CCSER1: variants seen among roughly 807,000 people sequenced by gnomAD.
CCSER1 encodes coiled-coil serine rich protein 1.
A neutral mutation model predicts 82.0 loss-of-function variants in CCSER1; 41 were observed. That is an observed-to-expected ratio of 0.50 (90% CI 0.39 to 0.65). CCSER1 has a LOEUF of 0.65. Ranked by LOEUF, CCSER1 falls within the 30% of genes least tolerant of loss-of-function variation. CCSER1 has a pLI of 0.00. For synonymous variants in CCSER1, 414 were observed against 383.9 expected (o/e 1.08, Z -0.92); for missense variants, 1,119 against 1,064.2 (o/e 1.05, Z -0.72).
At chr4:90,890,809 A>G (rs1722850827) in intron 8 of CCSER1, among the ~76,000 whole-genome samples, 1 of 152,138 alleles carries the variant, frequency 6.6e-6, no homozygotes, top group Admixed American at 6.6e-5. Context: ...GAGGATTCCA[A>G]GCAATAATAT....
chr4:91,192,718 T>C (rs970133712), intron 10 of CCSER1, among the ~76,000 whole-genome samples: 11 of 152,164 alleles, frequency 7.2e-5, no homozygotes, highest in Non-Finnish European at 1.5e-4. Context: ...ATTTATTTTC[T>C]TTCTAAAGCA....
At chr4:90,403,442 T>C (rs1286311394) in intron 4 of CCSER1, among the ~76,000 whole-genome samples, 1 of 130,094 alleles carries the variant, frequency 7.7e-6, no homozygotes, top group Non-Finnish European at 1.5e-5. Context: ...GAGCTTGCAG[T>C]GAGCCAAGAT....
chr4:91,175,390 A>G (rs1733225638), intron 10 of CCSER1, among the ~76,000 whole-genome samples: 1 of 152,206 alleles, frequency 6.6e-6, no homozygotes, highest in Non-Finnish European at 1.5e-5. Flanking sequence ...TCCTTGAGGA[A>G]TCGCCACACT....
chr4:91,149,188 A>G (rs536100072), intron 10 of CCSER1, among the ~76,000 whole-genome samples: 24 of 152,046 alleles, frequency 1.6e-4, no homozygotes, highest in African/African-American at 5.1e-4. Flanking sequence ...CTGGTGTGAG[A>G]TGGTGTCTCA....
chr4:90,316,818 G>A (rs1211632143), intron 3 of CCSER1, among the ~76,000 whole-genome samples: 1 of 152,152 alleles, frequency 6.6e-6, no homozygotes, highest in Non-Finnish European at 1.5e-5. Context: ...CAATCTGGAA[G>A]CGAAAGGACA....
At chr4:91,220,681 A>G (rs1217300738) in intron 10 of CCSER1, among the ~76,000 whole-genome samples, 2 of 152,178 alleles carry the variant, frequency 1.3e-5, no homozygotes, top group Admixed American at 6.5e-5. Context: ...CCTACTTCAC[A>G]TAACCCTGCA....
intron 6 of CCSER1, among the ~76,000 whole-genome samples, chr4:90,673,453 G>A (rs904882990): frequency 6.6e-6 from 1 of 151,776 alleles, no homozygotes; most frequent in Admixed American, 6.6e-5. Context: ...CCATTTGTTG[G>A]GCGGCCACTT....
At chr4:91,083,506 A>G (rs1327259274) in intron 9 of CCSER1, among the ~76,000 whole-genome samples, 1 of 152,186 alleles carries the variant, frequency 6.6e-6, no homozygotes. Context: ...ATGTATACCT[A>G]TGTAACAAAT....
intron 5 of CCSER1, among the ~76,000 whole-genome samples, chr4:90,599,907 T>G (rs1783832891): frequency 6.6e-6 from 1 of 152,204 alleles, no homozygotes; most frequent in Non-Finnish European, 1.5e-5. Context: ...CAGCCACTGC[T>G]TAGTTTTCTG....
In CCSER1 at chr4:91,580,878, A is replaced by G. The variant is rs182690308; in HGVS notation, c.2218-17694A>G. Among the ~76,000 whole-genome samples the G allele has an allele frequency of 3.3e-3, 495 of 151,752 alleles. 1 individual carries two copies. Among genetic ancestry groups the G allele is most frequent in the Non-Finnish European group, 5.1e-3 (348 of 67,744 alleles). On this transcript the variant is annotated intron_variant, in intron 10 of 10. Transcript: ENST00000509176. Reference sequence around the variant, plus strand: ...ACATAATCATTCTTTTTTGACAACCATACATCTTCATTTTACAGATGAGGA... The same window carrying G: ...ACATAATCATTCTTTTTTGACAACCGTACATCTTCATTTTACAGATGAGGA...
intron 10 of CCSER1, among the ~76,000 whole-genome samples, chr4:91,250,773 G>A (rs1740192297): frequency 1.3e-5 from 2 of 151,696 alleles, no homozygotes; most frequent in South Asian, 4.2e-4. Context: ...TTGGTGAGTG[G>A]TATTGGAAAT....
intron 10 of CCSER1, among the ~76,000 whole-genome samples, chr4:91,115,628 G>T (rs1373350183): frequency 2.0e-5 from 3 of 151,910 alleles, no homozygotes; most frequent in Non-Finnish European, 4.4e-5. Flanking sequence ...TCTCTGTTAT[G>T]TACGCCTTCC....
chr4:90,938,784 G>A, intron 9 of CCSER1: 1 of 261,014 alleles, frequency 3.8e-6, no homozygotes, highest in East Asian at 1.0e-4. Flanking sequence ...TCTGTGACAT[G>A]TAAAATATTG....
intron 3 of CCSER1, among the ~76,000 whole-genome samples, chr4:90,367,205 G>A (rs555909682): frequency 1.3e-5 from 2 of 149,596 alleles, no homozygotes; most frequent in South Asian, 2.1e-4. Flanking sequence ...CATTCTGGAA[G>A]CAATGACAAA....
chr4:91,276,206 T>A (rs895606760), intron 10 of CCSER1, among the ~76,000 whole-genome samples: 1 of 151,908 alleles, frequency 6.6e-6, no homozygotes, highest in African/African-American at 2.4e-5. Context: ...ATGACATTGG[T>A]ATTTTATTAA....
chr4:91,593,404 A>G (rs1322823414), intron 10 of CCSER1, among the ~76,000 whole-genome samples: 1 of 151,674 alleles, frequency 6.6e-6, no homozygotes. Context: ...AAGGAAAAAA[A>G]CAGGGTATAA....
chr4:91,220,897 C>T (rs1737688621), intron 10 of CCSER1, among the ~76,000 whole-genome samples: 1 of 151,906 alleles, frequency 6.6e-6, no homozygotes, highest in Non-Finnish European at 1.5e-5. Flanking sequence ...ACCTTAAATA[C>T]ATACAATTTA....
intron 5 of CCSER1, among the ~76,000 whole-genome samples, chr4:90,485,249 C>G (rs986716231): frequency 2.0e-5 from 3 of 152,094 alleles, no homozygotes; most frequent in Non-Finnish European, 2.9e-5. Flanking sequence ...GTGGGAGTGA[C>G]CCAATTTTCC....
At chr4:90,874,604 C>G (rs1316877201) in intron 8 of CCSER1, among the ~76,000 whole-genome samples, 1 of 152,086 alleles carries the variant, frequency 6.6e-6, no homozygotes, top group African/African-American at 2.4e-5. Flanking sequence ...CTAACTTTGT[C>G]TAAGTATTTC....
Sources: allele counts gnomAD v4.1 joint callset (sites outside exome capture counted in the v4.1 genomes callset), GRCh38; gene constraint gnomAD v4.1.1; transcripts MANE v1.5; gene names NCBI Gene and HGNC (gene_info 2026-07-23, HGNC 2026-07-21).